U2SURP: variants seen among roughly 807,000 people sequenced by gnomAD.
U2SURP encodes U2 snRNP associated SURP domain containing.
A neutral mutation model predicts 144.9 loss-of-function variants in U2SURP; 9 were observed. The ratio of observed to expected loss-of-function variants is 0.06; its 90% CI spans 0.04 to 0.11. U2SURP has a LOEUF of 0.11. Among genes scored for constraint, U2SURP ranks in the 10% least tolerant of loss-of-function variants. U2SURP has a pLI of 1.00. For missense variants in U2SURP, 724 were observed against 1,226.7 expected (o/e 0.59, Z 6.12); for synonymous variants, 408 against 396.8 (o/e 1.03, Z -0.33).
Position 143,027,215 on chromosome 3 carries a change from T to C in U2SURP, c.1341T>C (p.Ala447=). 6 of 1,613,064 alleles carry C rather than the reference T, an allele frequency of 3.7e-6. No homozygotes were observed. The highest frequency in any genetic ancestry group is 1.3e-5 in the African/African-American group (1 of 75,002). The change falls in exon 14 of 28, where the codon GCT becomes GCC. Residue 447 remains alanine (A), a synonymous_variant. Transcript: ENST00000473835. ...TACGTGAAGGGCCAATGTTTGAAGC[T>C]ATGATTATGAACAGAGAAATCAACA... ...FVVREGPMFE[A]MIMNREINNP... is the part of the protein sequence containing the mutation.
chr3:143,045,004 G>A (rs527505465), intron 24 of U2SURP, among the ~76,000 whole-genome samples: 17 of 152,242 alleles, frequency 1.1e-4, no homozygotes, highest in African/African-American at 3.9e-4. Context: ...TAAGATGTGT[G>A]TCAGTGAACA....
intron 1 of U2SURP, among the ~76,000 whole-genome samples, chr3:143,004,060 A>G (rs894247010): frequency 2.6e-5 from 4 of 152,142 alleles, no homozygotes; most frequent in Admixed American, 1.3e-4. Flanking sequence ...GGCTAATACT[A>G]CAGTATTTAG....
intron 4 of U2SURP, among the ~76,000 whole-genome samples, chr3:143,015,450 A>G (rs921643014): frequency 6.6e-5 from 10 of 151,970 alleles, no homozygotes; most frequent in African/African-American, 2.4e-4. Context: ...TTCCATTACC[A>G]GCTTATAAAG....
intron 10 of U2SURP, among the ~76,000 whole-genome samples, chr3:143,021,770 C>T (rs895159642): frequency 6.6e-6 from 1 of 152,124 alleles, no homozygotes; most frequent in Admixed American, 6.5e-5. Flanking sequence ...AAATGTTTTA[C>T]TAGGTGCTGA....
intron 5 of U2SURP, 66 bp downstream of exon 5, chr3:143,016,437 C>G: frequency 7.1e-7 from 1 of 1,417,524 alleles, no homozygotes. Context: ...CGAGCCCCAT[C>G]TTGGTTGAAT....
Position 143,057,851 on chromosome 3 carries a change from C to T in U2SURP, c.*1401C>T, listed in dbSNP as rs987576073. On this transcript the variant is annotated 3_prime_UTR_variant, in exon 28 of 28. Transcript: ENST00000473835. ...GCCTAGTCACAAAATAAGATGTGCA[C>T]CCATGGTTTGGAGAGTTCCTATATT... The T allele has an allele frequency of 2.0e-5, 3 of 152,292 alleles. No individual in the cohort carries two copies. The highest frequency in any genetic ancestry group is 7.2e-5 in the African/African-American group (3 of 41,384). The allele number at this position is 152,292 out of a possible 1,614,324, so 9.4% of individuals were successfully genotyped here.
intron 16 of U2SURP, among the ~76,000 whole-genome samples, chr3:143,029,450 G>C (rs1333654871): frequency 6.6e-6 from 1 of 152,092 alleles, no homozygotes; most frequent in South Asian, 2.1e-4. Flanking sequence ...TATCTGTTAT[G>C]GTGATCAGTG....
chr3:143,037,214 GGAA>G lies in U2SURP; in HGVS notation c.2103_2105del (p.Glu702del). The G allele has an allele frequency of 6.2e-7, 1 of 1,612,382 alleles. No homozygotes were observed. The highest frequency in any genetic ancestry group is 2.2e-5 in the East Asian group (1 of 44,858). On this transcript the variant is annotated inframe_deletion, in exon 21 of 28. Coordinates refer to ENST00000473835, the MANE Select transcript of U2SURP (RefSeq NM_001080415.2). ...ATGACCTTGATGGTGCCCCCATCGA[GGAA>G]GAGCTTGATGGTGCACCTCTGGAAG...
At chr3:143,009,431 C>T (rs1381896601) in intron 1 of U2SURP, among the ~76,000 whole-genome samples, 3 of 151,996 alleles carry the variant, frequency 2.0e-5, no homozygotes, top group East Asian at 1.9e-4. Flanking sequence ...AACTCCGTCT[C>T]TACTAAAAAT....
At chr3:143,051,118 T>C in intron 25 of U2SURP, 69 bp downstream of exon 25, 1 of 910,992 alleles carries the variant, frequency 1.1e-6, no homozygotes, top group Non-Finnish European at 1.7e-6. Flanking sequence ...AGAATACTGG[T>C]ATACCTAAAG....
At chr3:143,007,581 A>G (rs1935910065) in intron 1 of U2SURP, among the ~76,000 whole-genome samples, 1 of 151,240 alleles carries the variant, frequency 6.6e-6, no homozygotes. Flanking sequence ...AGCTGGGACT[A>G]CAGGTGCCCG....
intron 23 of U2SURP, among the ~76,000 whole-genome samples, chr3:143,041,810 TCAAGTATTAAAGG>T (rs1934121578): frequency 6.6e-6 from 1 of 152,068 alleles, no homozygotes; most frequent in Admixed American, 6.5e-5. Flanking sequence ...CTTGCGAGAT[TCAAGTATTAAAGG>T]CAAAACAGCG....
chr3:143,037,325 T>A lies in U2SURP; in HGVS notation c.2211T>A (p.Asp737Glu). ...TAAAAAGTCTTGATGATGATCTTGA[T>A]GGAGTGCCTTGTAAGTTCAGATTTC... ...VPIKSLDDDL[D>E]GVPLDATEDS... Residue 737 changes from aspartate (D) to glutamate (E), a missense_variant, in exon 21 of 28, where the codon GAT becomes GAA. Asp to Glu is a conservative substitution (Grantham distance 45, BLOSUM62 2). Around this residue, in one of 13 missense-constraint regions of U2SURP, gnomAD observed 116 missense variants for 167.9 expected, o/e 0.69. Coordinates refer to ENST00000473835, the MANE Select transcript of U2SURP (RefSeq NM_001080415.2). 1 of 1,611,834 alleles carries A rather than the reference T, an allele frequency of 6.2e-7. No individual in the cohort carries two copies. Among genetic ancestry groups the A allele is most frequent in the Non-Finnish European group, 8.5e-7 (1 of 1,178,842 alleles).
intron 18 of U2SURP, among the ~76,000 whole-genome samples, chr3:143,034,093 G>A (rs775413080): frequency 2.0e-5 from 3 of 152,112 alleles, no homozygotes; most frequent in Non-Finnish European, 2.9e-5. Context: ...AGGAAGTTAC[G>A]TTGCTGTATT....
rs779092293 is a variant in U2SURP, at chr3:143,053,704, G to A, written c.2684G>A (p.Arg895Gln). Residue 895 changes from arginine to glutamine, a missense_variant, in exon 26 of 28, where the codon CGA becomes CAA. Coordinates refer to ENST00000473835, the MANE Select transcript of U2SURP (RefSeq NM_001080415.2). ...REKEKELERERERDKKDKEKL... is the reference protein window; with the variant it reads ...REKEKELEREQERDKKDKEKL... ...AAAGAGAAAGAGTTAGAAAGAGAAC[G>A]AGAAAGAGACAAGAAAGATAAAGAA... 4.5e-6 allele frequency: 7 copies of A among 1,553,174 alleles called. No individual in the cohort carries two copies. Among genetic ancestry groups the A allele is most frequent in the Non-Finnish European group, 6.2e-6 (7 of 1,132,988 alleles).
chr3:143,011,777 TA>T (rs1200099425), intron 2 of U2SURP, among the ~76,000 whole-genome samples: 1 of 152,158 alleles, frequency 6.6e-6, no homozygotes, highest in Non-Finnish European at 1.5e-5. Context: ...TAGTTCGTCT[TA>T]ATATTCTGTG....
At chr3:143,043,049 A>G in intron 23 of U2SURP, 68 bp from the exon 24 acceptor site, 1 of 1,395,244 alleles carries the variant, frequency 7.2e-7, no homozygotes, top group Non-Finnish European at 9.6e-7. Flanking sequence ...AAAATAAAAT[A>G]GGTAGACTGT....
In U2SURP at chr3:143,022,482, T is replaced by C. The variant is rs200967768; in HGVS notation, c.853-15T>C. The C allele has an allele frequency of 1.3e-5, 19 of 1,500,224 alleles. No homozygotes were observed. The African/African-American group carries it at 2.4e-4, about 19-fold the overall frequency. 92.9% of individuals were successfully genotyped at this position (1,500,224 alleles called of 1,614,324 possible). A position where few individuals can be genotyped will look rare whatever the true frequency, so the allele number is the denominator to read the frequency against. On this transcript the variant is annotated splice_polypyrimidine_tract_variant and intron_variant, in intron 10 of 27. Coordinates refer to ENST00000473835, the MANE Select transcript of U2SURP (RefSeq NM_001080415.2). ...CCTTTTTTGCATAATAAAAATCTTT[T>C]ACCCTTTTTAATAGATGAATGAAGA...
At chr3:143,022,474 A>C in intron 10 of U2SURP, 23 bp from the exon 11 acceptor site, 1 of 1,450,886 alleles carries the variant, frequency 6.9e-7, no homozygotes, top group East Asian at 2.4e-5. Flanking sequence ...TGCATAATAA[A>C]AATCTTTTAC....
Sources: allele counts gnomAD v4.1 joint callset (sites outside exome capture counted in the v4.1 genomes callset), GRCh38; gene constraint gnomAD v4.1.1; regional missense constraint gnomAD v4.1.1; transcripts MANE v1.5; gene names NCBI Gene and HGNC (gene_info 2026-07-23, HGNC 2026-07-21).